SNX16: variants seen among roughly 807,000 people sequenced by gnomAD.
SNX16 encodes sorting nexin-16.
SNX16 carries 35 observed loss-of-function variants against 36.7 expected under a neutral mutation model. That is an observed-to-expected ratio of 0.95 (90% confidence interval 0.73 to 1.27). The LOEUF is 1.27. Among genes scored for constraint, SNX16 ranks in the 50% most tolerant of loss-of-function variants. The pLI is 0.00. For synonymous variants in SNX16, 134 were observed against 132.0 expected (o/e 1.02, Z -0.10); for missense variants, 367 against 393.6 (o/e 0.93, Z 0.57).
chr8:81,803,065 A>G, intron 6 of SNX16, 27 bp downstream of exon 6: 1 of 1,580,160 alleles, frequency 6.3e-7, no homozygotes, highest in Non-Finnish European at 8.6e-7. Context: ...AATTAGTCAG[A>G]GTAGAAATGC....
chr8:81,831,726 T>G (rs1387780295), intron 2 of SNX16, among the ~76,000 whole-genome samples: 1 of 143,230 alleles, frequency 7.0e-6, no homozygotes, highest in African/African-American at 2.6e-5. Flanking sequence ...ACTTAAACAA[T>G]TCAACAAATA....
intron 5 of SNX16, among the ~76,000 whole-genome samples, chr8:81,805,361 T>C (rs1258563041): frequency 6.6e-6 from 1 of 152,064 alleles, no homozygotes; most frequent in Non-Finnish European, 1.5e-5. Context: ...GACTGTTATA[T>C]AAAAGAACTG....
intron 1 of SNX16, 61 bp from the exon 2 acceptor site, chr8:81,840,143 A>C: frequency 1.2e-6 from 1 of 800,188 alleles, no homozygotes; most frequent in Admixed American, 2.8e-5. Context: ...ATTCAAAAGA[A>C]AAGTATTCTT....
intron 7 of SNX16, 75 bp from the exon 8 acceptor site, chr8:81,801,668 C>A: frequency 1.2e-6 from 1 of 867,016 alleles, no homozygotes; most frequent in East Asian, 2.6e-5. Context: ...TTCACTATTA[C>A]CTTTAAAAAT....
Position 81,824,005 on chromosome 8 carries a change from T to C in SNX16, c.463-65A>G, listed in dbSNP as rs1036916802. 43 of 1,365,726 alleles carry C rather than the reference T, an allele frequency of 3.1e-5. No homozygotes were observed. In the African/African-American group the frequency reaches 6.2e-4, roughly 20 times the overall value. The allele number at this position is 1,365,726 out of a possible 1,614,324, so 84.6% of individuals were successfully genotyped here. Reference sequence around the variant, plus strand: ...AGCACTATCAATTCTACAAAATCTATCCTGTTGACTACATGAAATTATTCA... The same window carrying C: ...AGCACTATCAATTCTACAAAATCTACCCTGTTGACTACATGAAATTATTCA... On this transcript the variant is annotated intron_variant, in intron 3 of 7. Transcript: ENST00000345957.
At chr8:81,821,984 T>C (rs1310788472) in intron 4 of SNX16, among the ~76,000 whole-genome samples, 1 of 152,158 alleles carries the variant, frequency 6.6e-6, no homozygotes, top group Non-Finnish European at 1.5e-5. Context: ...CTACTGATAA[T>C]GATTTAAGTG....
intron 2 of SNX16, 46 bp downstream of exon 2, chr8:81,839,566 C>T: frequency 6.6e-7 from 1 of 1,514,502 alleles, no homozygotes; most frequent in Non-Finnish European, 8.9e-7. Flanking sequence ...CAGAGATTAG[C>T]CAATCTTTCA....
intron 2 of SNX16, among the ~76,000 whole-genome samples, chr8:81,835,153 C>G (rs983467789): frequency 1.3e-5 from 2 of 152,222 alleles, no homozygotes; most frequent in Non-Finnish European, 2.9e-5. Context: ...GGGGATTACA[C>G]CCTCTGAAGT....
intron 2 of SNX16, among the ~76,000 whole-genome samples, chr8:81,835,099 T>C (rs1158119041): frequency 6.6e-6 from 1 of 152,252 alleles, no homozygotes; most frequent in African/African-American, 2.4e-5. Context: ...TCTTGACTTC[T>C]GTGCACTCAC....
Position 81,830,679 on chromosome 8 carries a change from G to A in SNX16, c.376-1163C>T, listed in dbSNP as rs780717118. On this transcript the variant is annotated intron_variant, in intron 2 of 7. Transcript: ENST00000345957. ...TGGAAGAATCAATATCATTAAAATG[G>A]CCACACTGCCCAAAGCAGTCTATAG... 8.3e-4 allele frequency among the ~76,000 whole-genome samples: 126 copies of A among 151,492 alleles called. 1 individual carries two copies. The highest frequency in any genetic ancestry group is 6.9e-3 in the Middle Eastern group (2 of 290).
chr8:81,824,942 G>A (rs935432360), intron 3 of SNX16, among the ~76,000 whole-genome samples: 16 of 152,182 alleles, frequency 1.1e-4, no homozygotes, highest in Non-Finnish European at 1.8e-4. Flanking sequence ...AGTGGATGAT[G>A]CTGGCTGCTG....
At chr8:81,836,109 A>G (rs1811481541) in intron 2 of SNX16, among the ~76,000 whole-genome samples, 1 of 152,212 alleles carries the variant, frequency 6.6e-6, no homozygotes, top group Non-Finnish European at 1.5e-5. Flanking sequence ...TCAGTGAGCA[A>G]GAAATGAAAC....
At chr8:81,839,168 T>C (rs189025005) in intron 2 of SNX16, among the ~76,000 whole-genome samples, 4 of 152,272 alleles carry the variant, frequency 2.6e-5, no homozygotes, top group Admixed American at 2.0e-4. Context: ...AGTACAACCA[T>C]TCTGAAACAC....
At chr8:81,829,403 T>G in intron 3 of SNX16, 27 bp downstream of exon 3, 1 of 1,045,840 alleles carries the variant, frequency 9.6e-7, no homozygotes, top group Non-Finnish European at 1.3e-6. Context: ...AACTGAAATG[T>G]TAGTTTGGAT....
intron 4 of SNX16, among the ~76,000 whole-genome samples, chr8:81,822,926 GTATATATATATATACATATACATATA>G (rs1309678703): frequency 7.7e-6 from 1 of 130,198 alleles, no homozygotes; most frequent in Admixed American, 7.9e-5. Flanking sequence ...AGCAAGATGT[GTATATATATATATACATATACATATA>G]TATATATATA....
intron 5 of SNX16, among the ~76,000 whole-genome samples, chr8:81,805,870 G>A (rs933451580): frequency 4.6e-5 from 7 of 152,102 alleles, no homozygotes; most frequent in African/African-American, 1.4e-4. Flanking sequence ...GCAGCAAGCC[G>A]AAATAGCGCC....
Position 81,840,003 on chromosome 8 carries a change from C to G in SNX16, c.-17G>C. On this transcript the variant is annotated 5_prime_UTR_variant, in exon 2 of 8. Coordinates refer to ENST00000345957, the MANE Select transcript of SNX16 (RefSeq NM_152836.3). ...AGTTGCCATCTTCTTTTGGCTTTTC[C>G]AACAAGCTTGCACACTGTTGAGTCC... 1 of 1,576,568 alleles carries G rather than the reference C, an allele frequency of 6.3e-7. No individual in the cohort carries two copies. Among genetic ancestry groups the G allele is most frequent in the Non-Finnish European group, 8.6e-7 (1 of 1,163,608 alleles).
chr8:81,839,732 C>T lies in SNX16; in HGVS notation c.255G>A (p.Glu85=). ...TKFTGTASSI[E]YSTRPRDTEE... is the part of the protein sequence containing the mutation. ...CAGTGTCTCTTGGTCTAGTAGAATA[C>T]TCAATGGAAGAAGCTGTACCTGTAA... The change falls in exon 2 of 8, where the codon GAG becomes GAA. Residue 85 remains glutamate (E), a synonymous_variant. Transcript: ENST00000345957. 1.9e-6 allele frequency: 3 copies of T among 1,613,938 alleles called. No homozygotes were observed. The highest frequency in any genetic ancestry group is 2.5e-6 in the Non-Finnish European group (3 of 1,179,904).
At chr8:81,805,371 G>C (rs750319132) in intron 5 of SNX16, among the ~76,000 whole-genome samples, 17 of 152,028 alleles carry the variant, frequency 1.1e-4, no homozygotes, top group Non-Finnish European at 2.5e-4. Flanking sequence ...TAAAAGAACT[G>C]TATAATACTA....
Sources: allele counts gnomAD v4.1 joint callset (sites outside exome capture counted in the v4.1 genomes callset), GRCh38; gene constraint gnomAD v4.1.1; transcripts MANE v1.5; gene names NCBI Gene and HGNC (gene_info 2026-07-23, HGNC 2026-07-21).